Variants in PITPNB observed in about 807,000 individuals in gnomAD.
PITPNB encodes the protein phosphatidylinositol transfer protein beta.
Under a neutral mutation model 45.9 loss-of-function variants are expected in PITPNB, and 16 were observed. The observed-to-expected ratio is 0.35, with a 90% CI of 0.24 to 0.53. The LOEUF is 0.53. Ranked by LOEUF, PITPNB falls within the 20% of genes least tolerant of loss-of-function variation. The pLI, the probability that PITPNB is intolerant of heterozygous loss-of-function variation, is 0.93. For synonymous variants in PITPNB, 112 were observed against 108.9 expected, an observed-to-expected ratio of 1.03 and a Z score of -0.18; for missense variants, 188 against 330.5, an observed-to-expected ratio of 0.57 and a Z score of 3.34.
chr22:27,875,209 A>G (rs1394093865), intron 7 of PITPNB, among the ~76,000 whole-genome samples: 1 of 152,272 alleles, frequency 6.6e-6, no homozygotes, highest in Non-Finnish European at 1.5e-5. Context: ...GTTGTCTACA[A>G]AAAGGACCAA....
intron 7 of PITPNB, among the ~76,000 whole-genome samples, chr22:27,888,707 G>T (rs1295566777): frequency 6.6e-6 from 1 of 152,242 alleles, no homozygotes; most frequent in African/African-American, 2.4e-5. Flanking sequence ...CAACTTGAAA[G>T]AAATCTCCCT....
intron 8 of PITPNB, among the ~76,000 whole-genome samples, chr22:27,866,788 C>T (rs551258353): frequency 1.3e-5 from 2 of 152,304 alleles, no homozygotes; most frequent in South Asian, 2.1e-4. Flanking sequence ...AATGTGAATG[C>T]TTAATTTCAG....
rs33997388 is a variant in PITPNB, at chr22:27,893,287, C to CTT, written c.456+1266_456+1267dup. 1.0e-2 allele frequency among the ~76,000 whole-genome samples: 1,407 copies of CTT among 141,362 alleles called. 26 individuals are homozygous for CTT. The highest frequency in any genetic ancestry group is 0.034 in the African/African-American group (1,310 of 38,740). The allele number at this position is 141,362 out of a possible 152,430, so 92.7% of individuals were successfully genotyped here. Reference sequence around the variant, plus strand: ...AGATGAGACAGGGGTCTGTTTTTTCCTTTTTTTTTTTTTTTGAGACGGAGT... The same window carrying CTT: ...AGATGAGACAGGGGTCTGTTTTTTCCTTTTTTTTTTTTTTTTTGAGACGGAGT... On this transcript the variant is annotated intron_variant, in intron 7 of 11. Transcript: ENST00000335272.
intron 3 of PITPNB, among the ~76,000 whole-genome samples, chr22:27,904,373 C>T (rs1035614571): frequency 1.8e-4 from 27 of 152,160 alleles, no homozygotes; most frequent in Admixed American, 5.2e-4. Flanking sequence ...AAGTCAATCA[C>T]GGAAGGCCAC....
At chr22:27,861,831 G>C (rs1346136291) in intron 8 of PITPNB, among the ~76,000 whole-genome samples, 2 of 152,208 alleles carry the variant, frequency 1.3e-5, no homozygotes, top group Non-Finnish European at 2.9e-5. Flanking sequence ...TGCTTAGTAG[G>C]TGAGACTGAA....
chr22:27,864,965 GA>G (rs944853736), intron 8 of PITPNB, among the ~76,000 whole-genome samples: 1 of 150,656 alleles, frequency 6.6e-6, no homozygotes, highest in South Asian at 2.1e-4. Context: ...GAAAAAAAAA[GA>G]AAAAAATTCA....
chr22:27,859,197 G>A (rs1474688779), intron 9 of PITPNB, among the ~76,000 whole-genome samples: 1 of 152,176 alleles, frequency 6.6e-6, no homozygotes, highest in Admixed American at 6.5e-5. Context: ...AATTACATAT[G>A]TGACTTCTAT....
intron 8 of PITPNB, among the ~76,000 whole-genome samples, chr22:27,865,118 AT>A (rs895569323): frequency 6.6e-6 from 1 of 152,152 alleles, no homozygotes; most frequent in African/African-American, 2.4e-5. Flanking sequence ...ACTACAACTA[AT>A]TTTTTTCTTT....
chr22:27,897,153 G>A lies in PITPNB; in HGVS notation c.290-16C>T. 6.4e-7 allele frequency: 1 copy of A among 1,561,386 alleles called. No individual in the cohort carries two copies. Among genetic ancestry groups the A allele is most frequent in the Non-Finnish European group, 8.8e-7 (1 of 1,131,838 alleles). The stretch of plus-strand genomic sequence containing the variant: ...ACCGTTACAACTGAGGCATAATGGA[G>A]AGGTAGGTAATGAAAGGAGAAAAAT... On this transcript the variant is annotated splice_polypyrimidine_tract_variant and intron_variant, in intron 4 of 11. Transcript: ENST00000335272.
chr22:27,909,207 CTTTTTTT>C lies in PITPNB; in HGVS notation c.197+1750_197+1756del, dbSNP rs34224616. ...TGCCCTTAGATAAATACTGGTAGTACTTTTTTTTTTTTTTTTTTTTTTGGCTTGTTTC... is the reference window on the plus strand; with the variant it reads ...TGCCCTTAGATAAATACTGGTAGTACTTTTTTTTTTTTTTTGGCTTGTTTC... On this transcript the variant is annotated intron_variant, in intron 3 of 11. Transcript: ENST00000335272. Among the ~76,000 whole-genome samples, 15 of 82,244 alleles carry C rather than the reference CTTTTTTT, an allele frequency of 1.8e-4. 1 individual carries two copies. Among genetic ancestry groups the C allele is most frequent in the Middle Eastern group, 0.015 (2 of 132 alleles). The allele number at this position is 82,244 out of a possible 152,430, so 54.0% of individuals were successfully genotyped here.
chr22:27,912,643 A>T (rs188171114), intron 2 of PITPNB, among the ~76,000 whole-genome samples: 1,484 of 146,316 alleles, frequency 0.01, 31 homozygotes, highest in African/African-American at 0.035. Flanking sequence ...ATAAAAAATT[A>T]AAAAAAAAAA....
At chr22:27,858,908 G>T (rs2146347207) in intron 9 of PITPNB, among the ~76,000 whole-genome samples, 1 of 152,246 alleles carries the variant, frequency 6.6e-6, no homozygotes, top group South Asian at 2.1e-4. Flanking sequence ...CATTCACTAT[G>T]AGGTGGAATA....
chr22:27,898,686 T>C (rs1935505483), intron 3 of PITPNB, among the ~76,000 whole-genome samples: 1 of 152,076 alleles, frequency 6.6e-6, no homozygotes, highest in African/African-American at 2.4e-5. Context: ...AAATGAGAAA[T>C]TAAAGCATAT....
intron 7 of PITPNB, among the ~76,000 whole-genome samples, chr22:27,893,336 G>T (rs1935336674): frequency 6.6e-6 from 1 of 150,764 alleles, no homozygotes. Flanking sequence ...CCAGGCTGGA[G>T]TGCAGTGGCG....
chr22:27,882,271 A>C lies in PITPNB; in HGVS notation c.457-8456T>G, dbSNP rs1454971528. On this transcript the variant is annotated intron_variant, in intron 7 of 11. Transcript: ENST00000335272. ...AAACAATATACACCCATGGTTTAAA[A>C]CAATTAAGAAGTGTCAGATTGCTCA... is the stretch of plus-strand genomic sequence containing the variant. 2.0e-5 allele frequency among the ~76,000 whole-genome samples: 3 copies of C among 152,230 alleles called. No homozygotes were observed. In the East Asian group the frequency reaches 5.8e-4, roughly 29 times the overall value.
At chr22:27,872,256 G>C (rs1186611389) in intron 8 of PITPNB, among the ~76,000 whole-genome samples, 1 of 151,842 alleles carries the variant, frequency 6.6e-6, no homozygotes, top group Non-Finnish European at 1.5e-5. Context: ...ATCGTGCCCA[G>C]CTAATTTTTG....
intron 9 of PITPNB, among the ~76,000 whole-genome samples, chr22:27,859,776 T>A (rs569072827): frequency 4.3e-4 from 65 of 151,650 alleles, no homozygotes; most frequent in Non-Finnish European, 7.7e-4. Flanking sequence ...GGCAGGGGAG[T>A]CCTTCAGCAG....
Position 27,896,452 on chromosome 22 carries a change from G to C in PITPNB, c.372+100C>G, listed in dbSNP as rs189087147. 1,340 of 819,090 alleles carry C rather than the reference G, an allele frequency of 1.6e-3. 16 individuals are homozygous for C. In the African/African-American group the frequency reaches 0.02, roughly 13 times the overall value. 50.7% of individuals were successfully genotyped at this position (819,090 alleles called of 1,614,324 possible). A position where few individuals can be genotyped will look rare whatever the true frequency, so the allele number is the denominator to read the frequency against. ...AATTTGACACAGCTTGGTGCGGTCAGATACACAGGTGACATTACTTTGATG... is the reference window on the plus strand; with the variant it reads ...AATTTGACACAGCTTGGTGCGGTCACATACACAGGTGACATTACTTTGATG... On this transcript the variant is annotated intron_variant, in intron 6 of 11. Transcript: ENST00000335272.
rs186489104 is a variant in PITPNB at position 27,875,158 on chromosome 22, G to A, written c.457-1343C>T. Reference sequence around the variant, plus strand: ...AAAACAAAACTTTAAAGAAAGATAAGTCTGTAAATATGTGACCCAGAACTT... The same window carrying A: ...AAAACAAAACTTTAAAGAAAGATAAATCTGTAAATATGTGACCCAGAACTT... On this transcript the variant is annotated intron_variant, in intron 7 of 11. Transcript: ENST00000335272. Among the ~76,000 whole-genome samples the A allele has an allele frequency of 6.8e-4, 103 of 152,356 alleles. 1 individual carries two copies. The highest frequency in any genetic ancestry group is 1.3e-3 in the Non-Finnish European group (90 of 68,030).
Sources: allele counts gnomAD v4.1 joint callset (sites outside exome capture counted in the v4.1 genomes callset), GRCh38; gene constraint gnomAD v4.1.1; transcripts MANE v1.5; gene names NCBI Gene and HGNC (gene_info 2026-07-23, HGNC 2026-07-21).